Variants in AVEN observed in about 807,000 individuals in gnomAD.
AVEN encodes cell death regulator Aven.
AVEN carries 41 observed loss-of-function variants against 38.1 expected under a neutral mutation model. The ratio of observed to expected loss-of-function variants is 1.08; its 90% CI spans 0.84 to 1.40. The LOEUF (loss-of-function observed/expected upper bound fraction) is 1.40, where lower values mean the gene tolerates loss of function less well. AVEN is among the 40% of genes most tolerant of loss of function. The pLI, the probability that AVEN is intolerant of heterozygous loss-of-function variation, is 0.00. For synonymous variants in AVEN, 206 were observed against 171.8 expected (o/e 1.20, Z -1.56); for missense variants, 605 against 438.8 (o/e 1.38, Z -3.38).
intron 2 of AVEN, among the ~76,000 whole-genome samples, chr15:33,937,932 C>CAAAAAAAAAAAAAAA (rs55887919): frequency 9.9e-6 from 1 of 100,856 alleles, no homozygotes; most frequent in African/African-American, 3.4e-5. Context: ...CCTACTTGAC[C>CAAAAAAAAAAAAAAA]AAAAAAAAAA....
intron 2 of AVEN, among the ~76,000 whole-genome samples, chr15:33,948,339 CCCGG>C: frequency 6.6e-6 from 1 of 151,838 alleles, no homozygotes; most frequent in Non-Finnish European, 1.5e-5. Flanking sequence ...TTGTGATCCA[CCCGG>C]CTCGGCCTCC....
intron 1 of AVEN, among the ~76,000 whole-genome samples, chr15:34,028,360 T>A (rs946539335): frequency 1.3e-5 from 2 of 151,956 alleles, no homozygotes; most frequent in African/African-American, 4.8e-5. Context: ...AGCCCAGGAG[T>A]TCGAGAGCAG....
At chr15:33,950,774 G>C (rs1411344774) in intron 2 of AVEN, among the ~76,000 whole-genome samples, 11 of 152,214 alleles carry the variant, frequency 7.2e-5, no homozygotes, top group African/African-American at 2.4e-4. Flanking sequence ...GGGAGGCCAA[G>C]GCAGGAGAAC....
At chr15:34,061,735 GAGAGA>G (rs1900339537) in intron 5 of AVEN, among the ~76,000 whole-genome samples, 1 of 152,186 alleles carries the variant, frequency 6.6e-6, no homozygotes, top group Non-Finnish European at 1.5e-5. Context: ...TTCAGGAACA[GAGAGA>G]AGGTCCTTAT....
downstream of AVEN, among the ~76,000 whole-genome samples, chr15:33,855,204 C>CT (rs201635608): frequency 0.044 from 6,523 of 147,424 alleles, 366 homozygotes; most frequent in South Asian, 0.13. Context: ...CCTTGGAGAT[C>CT]TTTTTTTTTT....
At chr15:33,916,292 C>G (rs530133071) in intron 2 of AVEN, among the ~76,000 whole-genome samples, 111 of 152,324 alleles carry the variant, frequency 7.3e-4, no homozygotes, top group African/African-American at 2.6e-3. Context: ...TCTGCCACCT[C>G]TACTGGAGCA....
Position 34,038,762 on chromosome 15 carries a change from C to T in AVEN, c.267+18G>A, listed in dbSNP as rs1368505531. The T allele has an allele frequency of 1.3e-5, 15 of 1,163,648 alleles. No individual in the cohort carries two copies. Among genetic ancestry groups the T allele is most frequent in the Non-Finnish European group, 1.6e-5 (15 of 945,838 alleles). The allele number at this position is 1,163,648 out of a possible 1,614,324, so 72.1% of individuals were successfully genotyped here. On this transcript the variant is annotated intron_variant, in intron 1 of 5. Transcript: ENST00000306730. ...CCAGTTACACGCGGTCCCAGCCCCA[C>T]CAGCCGTCGCCTCTTACCGGCGCGC...
downstream of AVEN, among the ~76,000 whole-genome samples, chr15:33,862,388 G>A (rs994562347): frequency 4.1e-5 from 6 of 146,704 alleles, no homozygotes; most frequent in African/African-American, 1.5e-4. Flanking sequence ...TTTTTTTTTG[G>A]TAGAGAAGGG....
intron 1 of AVEN, among the ~76,000 whole-genome samples, chr15:34,008,145 G>A (rs1395434014): frequency 6.6e-6 from 1 of 152,080 alleles, no homozygotes; most frequent in East Asian, 1.9e-4. Context: ...GGTGGGCCTG[G>A]CACCATGGCT....
At chr15:33,859,385 T>C (rs1328445112) in intron 11 of AVEN, among the ~76,000 whole-genome samples, 1 of 152,204 alleles carries the variant, frequency 6.6e-6, no homozygotes, top group Non-Finnish European at 1.5e-5. Flanking sequence ...TTTCCATCTT[T>C]GTAGATATCA....
exon 1 of AVEN, among the ~76,000 whole-genome samples, chr15:34,074,667 T>C (rs991585497): frequency 7.9e-5 from 12 of 152,128 alleles, no homozygotes; most frequent in Non-Finnish European, 1.5e-4. Flanking sequence ...ATCAGTTATA[T>C]TGGATTAGGG....
intron 1 of AVEN, among the ~76,000 whole-genome samples, chr15:34,019,101 T>C (rs186217203): frequency 3.9e-5 from 6 of 152,286 alleles, no homozygotes; most frequent in East Asian, 1.9e-4. Context: ...AGAGTGCTGA[T>C]TGGTGCATTT....
At chr15:34,015,683 T>G (rs988800613) in intron 1 of AVEN, among the ~76,000 whole-genome samples, 3 of 152,040 alleles carry the variant, frequency 2.0e-5, no homozygotes, top group African/African-American at 7.2e-5. Context: ...GAAAAAAAAG[T>G]GGGTAGAGAG....
intron 2 of AVEN, among the ~76,000 whole-genome samples, chr15:33,995,522 T>G (rs1274212454): frequency 3.3e-5 from 5 of 152,294 alleles, no homozygotes; most frequent in Admixed American, 3.3e-4. Context: ...AAACCATCCC[T>G]CTTGGATACC....
downstream of AVEN, chr15:33,865,336 C>A: frequency 2.7e-6 from 2 of 752,574 alleles, no homozygotes; most frequent in Admixed American, 3.0e-5. Flanking sequence ...CTAAATGCCT[C>A]CCTTAAAAAA....
chr15:33,869,043 C>G lies in AVEN; in HGVS notation c.613-1188G>C, dbSNP rs140704114. On this transcript the variant is annotated intron_variant, in intron 4 of 5. Transcript: ENST00000306730. ...CAACCTCTACTGGAGGTCCTGACCC[C>G]TTATTTTTACATAAACATCCTGAGC... is the stretch of plus-strand genomic sequence containing the variant. 2.9e-3 allele frequency among the ~76,000 whole-genome samples: 436 copies of G among 152,244 alleles called. 2 individuals are homozygous for G. The highest frequency in any genetic ancestry group is 0.01 in the African/African-American group (424 of 41,544).
chr15:33,870,919 G>A lies in AVEN; in HGVS notation c.612+16C>T, dbSNP rs112925793. On this transcript the variant is annotated intron_variant, in intron 4 of 5. Transcript: ENST00000306730. ...GCCCTAATCCACCCGCTTCAAGAGG[G>A]CTTCGGGATTTTTACCTGGACCAGT... 3 of 1,601,248 alleles carry A rather than the reference G, an allele frequency of 1.9e-6. No homozygotes were observed. Among genetic ancestry groups the A allele is most frequent in the South Asian group, 1.1e-5 (1 of 90,220 alleles).
downstream of AVEN, chr15:33,854,301 G>C (rs1442230948): frequency 9.7e-7 from 1 of 1,030,982 alleles, no homozygotes; most frequent in South Asian, 1.5e-5. Flanking sequence ...TATTAAACCT[G>C]AGAGAAAAAA....
intron 2 of AVEN, among the ~76,000 whole-genome samples, chr15:33,998,754 A>C (rs1897030452): frequency 1.3e-5 from 2 of 152,070 alleles, no homozygotes; most frequent in African/African-American, 4.8e-5. Flanking sequence ...AAAACACTTA[A>C]AGACACTACA....
Sources: gnomAD v4.1 joint callset for allele counts (sites outside exome capture counted in the v4.1 genomes callset) on GRCh38, gnomAD v4.1.1 for gene constraint, MANE v1.5 for transcripts, NCBI Gene and HGNC (gene_info 2026-07-23, HGNC 2026-07-21) for gene names.